TYW1: variants seen among roughly 807,000 people sequenced by gnomAD.
TYW1 encodes the protein tRNA-yW synthesizing protein 1 homolog.
TYW1 carries 46 observed loss-of-function variants against 96.2 expected under a neutral mutation model. That is an observed-to-expected ratio of 0.48 (90% CI 0.38 to 0.61). The LOEUF is 0.61. Among genes scored for constraint, TYW1 ranks in the 20% least tolerant of loss-of-function variants. The pLI is 0.00. For synonymous variants in TYW1, 274 were observed against 323.0 expected (o/e 0.85, Z 1.63); for missense variants, 684 against 909.6 (o/e 0.75, Z 3.19).
intron 11 of TYW1, among the ~76,000 whole-genome samples, chr7:67,094,996 C>T (rs1796848061): frequency 6.8e-6 from 1 of 147,712 alleles, no homozygotes; most frequent in South Asian, 2.2e-4. Flanking sequence ...GCTGTATAAA[C>T]TGCATGATTT....
intron 5 of TYW1, 152 bp downstream of exon 5, chr7:67,014,713 A>G: frequency 1.1e-6 from 1 of 938,722 alleles, no homozygotes; most frequent in Non-Finnish European, 1.5e-6. Context: ...AGTAATAAAT[A>G]CATTTCTTCT....
chr7:67,238,203 C>G (rs533731753), intron 15 of TYW1, 105 bp from the exon 16 acceptor site: 2 of 1,506,510 alleles, frequency 1.3e-6, no homozygotes, highest in Admixed American at 2.3e-5. Flanking sequence ...GTTTTCTTGA[C>G]GTGATAGGGA....
At chr7:67,117,237 A>G (rs769008956) in intron 12 of TYW1, among the ~76,000 whole-genome samples, 3 of 152,138 alleles carry the variant, frequency 2.0e-5, no homozygotes, top group African/African-American at 7.2e-5. Flanking sequence ...AGAAGGACCA[A>G]TTTTAAGTAA....
chr7:67,054,315 A>G (rs919943685), intron 8 of TYW1, among the ~76,000 whole-genome samples: 9 of 152,192 alleles, frequency 5.9e-5, no homozygotes, highest in Non-Finnish European at 1.2e-4. Flanking sequence ...ATAGAAACCT[A>G]TGTATCTTGG....
chr7:67,219,668 G>GC (rs1280402988), intron 15 of TYW1, among the ~76,000 whole-genome samples: 1 of 150,902 alleles, frequency 6.6e-6, no homozygotes, highest in African/African-American at 2.4e-5. Flanking sequence ...CCATTTGTTG[G>GC]CGTACCATTG....
At chr7:67,096,604 A>C (rs1321877638) in intron 11 of TYW1, among the ~76,000 whole-genome samples, 1 of 151,888 alleles carries the variant, frequency 6.6e-6, no homozygotes, top group Non-Finnish European at 1.5e-5. Context: ...TCTTAAGTTC[A>C]GGGGTACAAG....
chr7:67,014,926 C>T (rs989637517), intron 5 of TYW1, among the ~76,000 whole-genome samples: 1 of 151,360 alleles, frequency 6.6e-6, no homozygotes, highest in Non-Finnish European at 1.5e-5. Context: ...GACGGGGTTT[C>T]ACCATGCCAG....
intron 13 of TYW1, among the ~76,000 whole-genome samples, chr7:67,127,250 C>G (rs1422921575): frequency 6.6e-6 from 1 of 151,822 alleles, no homozygotes; most frequent in Non-Finnish European, 1.5e-5. Context: ...CCTCCACCTC[C>G]CAGGTTCAAG....
intron 15 of TYW1, among the ~76,000 whole-genome samples, chr7:67,208,631 A>G (rs1183578152): frequency 1.4e-5 from 2 of 145,988 alleles, no homozygotes; most frequent in African/African-American, 5.1e-5. Flanking sequence ...CGGAGGTTGC[A>G]GTGAGCCGAG....
chr7:67,154,557 T>C (rs1341717964), intron 13 of TYW1, among the ~76,000 whole-genome samples: 4 of 152,024 alleles, frequency 2.6e-5, no homozygotes, highest in Non-Finnish European at 5.9e-5. Context: ...AGAAATTTGC[T>C]CTTAGTCTAA....
rs149815573 is a variant in TYW1, at chr7:67,155,697, T to C, written c.1699-27429T>C. ...CCTCAGCTTCCCAAAGTGCTGGGAT[T>C]ATAGGCGTGAGCCACTGAGCCCGGC... On this transcript the variant is annotated intron_variant, in intron 13 of 15. Transcript: ENST00000359626. Among the ~76,000 whole-genome samples the C allele has an allele frequency of 2.0e-3, 304 of 152,304 alleles. 5 individuals carry two copies. Among genetic ancestry groups the C allele is most frequent in the Admixed American group, 0.018 (270 of 15,300 alleles).
At chr7:67,145,851 C>A (rs1019819587) in intron 13 of TYW1, among the ~76,000 whole-genome samples, 1 of 152,068 alleles carries the variant, frequency 6.6e-6, no homozygotes, top group African/African-American at 2.4e-5. Flanking sequence ...GCCTCCTGGG[C>A]TTAAGCAATC....
intron 3 of TYW1, among the ~76,000 whole-genome samples, chr7:67,008,689 A>G (rs945919368): frequency 5.3e-5 from 8 of 151,292 alleles, no homozygotes; most frequent in African/African-American, 1.9e-4. Flanking sequence ...TATTTTGGAG[A>G]TGGAGTTTTG....
chr7:67,208,237 C>A (rs116649432), intron 15 of TYW1, among the ~76,000 whole-genome samples: 5,809 of 152,080 alleles, frequency 0.038, 329 homozygotes, highest in African/African-American at 0.13. Flanking sequence ...AAGAGGATCG[C>A]TTGAGCCTGG....
chr7:67,199,567 G>A (rs986887605), intron 15 of TYW1, among the ~76,000 whole-genome samples: 1 of 152,152 alleles, frequency 6.6e-6, no homozygotes, highest in African/African-American at 2.4e-5. Context: ...TTTTGTAAGT[G>A]TACCACTCCT....
chr7:67,172,325 G>C (rs189157989), intron 13 of TYW1, among the ~76,000 whole-genome samples: 1 of 150,256 alleles, frequency 6.7e-6, no homozygotes, highest in East Asian at 2.0e-4. Context: ...ATAAGCAATA[G>C]TACTTAGAAT....
intron 8 of TYW1, among the ~76,000 whole-genome samples, chr7:67,055,142 G>T (rs948493710): frequency 1.3e-5 from 2 of 152,144 alleles, no homozygotes; most frequent in Admixed American, 6.6e-5. Context: ...GTCCATGAAA[G>T]AATGTAAATT....
chr7:67,174,094 T>A (rs1172510219), intron 13 of TYW1, among the ~76,000 whole-genome samples: 1 of 148,152 alleles, frequency 6.7e-6, no homozygotes. Context: ...ATAACCAAGA[T>A]GTCTGTAGTT....
At chr7:67,133,663 C>T (rs933564383) in intron 13 of TYW1, among the ~76,000 whole-genome samples, 4 of 135,228 alleles carry the variant, frequency 3.0e-5, no homozygotes, top group Admixed American at 7.2e-5. Flanking sequence ...CAGGTGTGAG[C>T]CACTGTGCCT....
Sources: allele counts gnomAD v4.1 joint callset (sites outside exome capture counted in the v4.1 genomes callset), GRCh38; gene constraint gnomAD v4.1.1; transcripts MANE v1.5; gene names NCBI Gene and HGNC (gene_info 2026-07-23, HGNC 2026-07-21).